The following ADGRB3 variants were observed in gnomAD, a reference collection of about 807,000 sequenced individuals.
ADGRB3 encodes the protein adhesion G protein-coupled receptor B3, also known as brain-specific angiogenesis inhibitor 3.
In ADGRB3, 37 loss-of-function variants were observed where a neutral mutation model predicts 193.4. The ratio of observed to expected loss-of-function variants is 0.19; its 90% confidence interval spans 0.15 to 0.25. The LOEUF (loss-of-function observed/expected upper bound fraction) is 0.25. Ranked by LOEUF, ADGRB3 falls within the 10% of genes least tolerant of loss-of-function variation. ADGRB3 has a pLI of 1.00. For missense variants in ADGRB3, 1,637 were observed against 1,852.9 expected (o/e 0.88, Z 2.14); for synonymous variants, 690 against 644.2 (o/e 1.07, Z -1.08).
At chr6:69,335,700 G>A (rs1020645911) in intron 24 of ADGRB3, among the ~76,000 whole-genome samples, 3 of 151,952 alleles carry the variant, frequency 2.0e-5, no homozygotes, top group African/African-American at 7.2e-5. Flanking sequence ...ATTAACTAAA[G>A]AAACATTAAG....
chr6:68,688,526 C>A (rs1047718977), intron 3 of ADGRB3, among the ~76,000 whole-genome samples: 1 of 152,144 alleles, frequency 6.6e-6, no homozygotes, highest in Non-Finnish European at 1.5e-5. Flanking sequence ...TTCACCACAA[C>A]TGGATCTCAA....
chr6:68,996,452 T>C (rs9354812), intron 11 of ADGRB3, among the ~76,000 whole-genome samples: 111,149 of 152,078 alleles, frequency 0.73, 41,906 homozygotes, highest in Middle Eastern at 0.86. Context: ...CTTCAAGTCT[T>C]CCCGAATGAC....
chr6:68,693,264 T>C (rs1453373794), intron 3 of ADGRB3, among the ~76,000 whole-genome samples: 1 of 151,898 alleles, frequency 6.6e-6, no homozygotes, highest in African/African-American at 2.4e-5. Flanking sequence ...GTTTGCCTTT[T>C]AACTCCTACT....
intron 3 of ADGRB3, among the ~76,000 whole-genome samples, chr6:68,683,954 G>A (rs1193066169): frequency 3.3e-5 from 5 of 152,150 alleles, no homozygotes; most frequent in Admixed American, 6.5e-5. Context: ...TAAACTATCT[G>A]AAGAGGACAT....
intron 3 of ADGRB3, among the ~76,000 whole-genome samples, chr6:68,844,393 A>C (rs9342735): frequency 0.21 from 32,495 of 151,912 alleles, 3,975 homozygotes; most frequent in East Asian, 0.58. Flanking sequence ...CAAAAGACAA[A>C]ATACAAAGAC....
chr6:69,307,243 T>C lies in ADGRB3; in HGVS notation c.2815-17629T>C, dbSNP rs147788344. On this transcript the variant is annotated intron_variant, in intron 20 of 31. Transcript: ENST00000370598. The stretch of plus-strand genomic sequence containing the variant: ...GATGTCATTGTCTTCTATAAAGTTA[T>C]AGTATTAAAGAACCAACCACATTGC... 3.3e-3 allele frequency among the ~76,000 whole-genome samples: 505 copies of C among 151,648 alleles called. 2 individuals are homozygous for C. The highest frequency in any genetic ancestry group is 3.6e-3 in the Non-Finnish European group (246 of 67,810).
intron 13 of ADGRB3, among the ~76,000 whole-genome samples, chr6:69,040,381 C>CTG (rs1383554780): frequency 1.8e-5 from 1 of 56,050 alleles, no homozygotes; most frequent in Non-Finnish European, 3.9e-5. Context: ...TTCTTTCCTT[C>CTG]TCTCTCTTTC....
chr6:69,139,554 A>G (rs1239096154), intron 17 of ADGRB3, among the ~76,000 whole-genome samples: 1 of 152,234 alleles, frequency 6.6e-6, no homozygotes, highest in Non-Finnish European at 1.5e-5. Context: ...ACATAAACTT[A>G]TATATAGAAA....
intron 3 of ADGRB3, among the ~76,000 whole-genome samples, chr6:68,683,075 G>A (rs532860705): frequency 2.0e-4 from 30 of 152,000 alleles, no homozygotes; most frequent in African/African-American, 6.0e-4. Flanking sequence ...ATGAGCCACC[G>A]CGCCTGGCCA....
chr6:69,279,415 C>T (rs1044007665), intron 20 of ADGRB3, among the ~76,000 whole-genome samples: 2 of 151,676 alleles, frequency 1.3e-5, no homozygotes, highest in Non-Finnish European at 2.9e-5. Context: ...ATTGTTTTCA[C>T]ACCATCGTAA....
intron 20 of ADGRB3, among the ~76,000 whole-genome samples, chr6:69,278,586 C>T (rs1459100528): frequency 6.6e-6 from 1 of 152,114 alleles, no homozygotes; most frequent in Non-Finnish European, 1.5e-5. Flanking sequence ...TCTATATTAA[C>T]CCTTTTGAAC....
chr6:69,094,820 G>C (rs1772827641), intron 17 of ADGRB3, among the ~76,000 whole-genome samples: 1 of 152,070 alleles, frequency 6.6e-6, no homozygotes, highest in Admixed American at 6.5e-5. Flanking sequence ...TACCAATGTA[G>C]TATCTTTTGC....
chr6:69,231,411 GCA>G, intron 17 of ADGRB3, among the ~76,000 whole-genome samples: 1 of 152,206 alleles, frequency 6.6e-6, no homozygotes, highest in Non-Finnish European at 1.5e-5. Context: ...CCACTTGAAA[GCA>G]TATGTACTGC....
At chr6:69,365,508 C>T (rs1769549060) in intron 29 of ADGRB3, among the ~76,000 whole-genome samples, 11 of 152,006 alleles carry the variant, frequency 7.2e-5, no homozygotes, top group Admixed American at 7.2e-4. Flanking sequence ...TTTTTGTGGA[C>T]CATCTTGCTG....
chr6:68,938,040 G>T (rs1341366627), intron 5 of ADGRB3, among the ~76,000 whole-genome samples: 2 of 152,040 alleles, frequency 1.3e-5, no homozygotes, highest in South Asian at 4.1e-4. Context: ...AGAATTGGGA[G>T]GTTAACAAAG....
chr6:68,677,656 G>T (rs534917632), intron 3 of ADGRB3, among the ~76,000 whole-genome samples: 2 of 151,306 alleles, frequency 1.3e-5, no homozygotes, highest in South Asian at 4.2e-4. Context: ...TAGCTGGGAC[G>T]ACAGACGCGC....
chr6:68,824,861 C>G (rs2127381581), intron 3 of ADGRB3, among the ~76,000 whole-genome samples: 1 of 151,668 alleles, frequency 6.6e-6, no homozygotes. Flanking sequence ...TCTGAACCTC[C>G]TTTTTCTTTT....
intron 3 of ADGRB3, among the ~76,000 whole-genome samples, chr6:68,722,880 G>GCAAA (rs1249986541): frequency 6.6e-6 from 1 of 151,214 alleles, no homozygotes; most frequent in Non-Finnish European, 1.5e-5. Flanking sequence ...AAGAGAACAA[G>GCAAA]CAAACAAACA....
In ADGRB3 at chr6:69,389,322, T is replaced by C. The variant is rs1770142218; in HGVS notation, c.*431T>C. 1 of 153,584 alleles carries C rather than the reference T, an allele frequency of 6.5e-6. No individual in the cohort carries two copies. Among genetic ancestry groups the C allele is most frequent in the African/African-American group, 2.4e-5 (1 of 41,480 alleles). The allele number at this position is 153,584 out of a possible 1,614,324, so 9.5% of individuals were successfully genotyped here. ...CAAAGTTTTTGTCATTAAATGAATG[T>C]TTGTTGAGCTACATTCTTCATTGCT... On this transcript the variant is annotated 3_prime_UTR_variant, in exon 32 of 32. Coordinates refer to ENST00000370598, the MANE Select transcript of ADGRB3 (RefSeq NM_001704.3).
Sources: gnomAD v4.1 joint callset for allele counts (sites outside exome capture counted in the v4.1 genomes callset) on GRCh38, gnomAD v4.1.1 for gene constraint, MANE v1.5 for transcripts, NCBI Gene and HGNC (gene_info 2026-07-23, HGNC 2026-07-21) for gene names.